INPP4A: variants seen among roughly 807,000 people sequenced by gnomAD.
The protein encoded by INPP4A is inositol polyphosphate-4-phosphatase type I A, also known as inositol polyphosphate-4-phosphatase, type I, 107kD.
In INPP4A, 33 loss-of-function variants were observed where a neutral mutation model predicts 119.8. That is an observed-to-expected ratio of 0.28 (90% confidence interval 0.21 to 0.37). The LOEUF is 0.37. INPP4A is among the 10% of genes least tolerant of loss of function. The probability of loss-of-function intolerance (pLI) is 1.00; values close to 1 mark genes in which losing one functional copy is unlikely to be tolerated. For missense variants in INPP4A, 956 were observed against 1,289.9 expected (o/e 0.74, Z 3.97); for synonymous variants, 496 against 500.7 (o/e 0.99, Z 0.12).
Position 98,533,508 on chromosome 2 carries a change from G to A in INPP4A, c.270+13G>A, listed in dbSNP as rs1201814947. On this transcript the variant is annotated intron_variant, in intron 5 of 24. Coordinates refer to ENST00000409851, the MANE Select transcript of INPP4A (RefSeq NM_001134225.2). Reference sequence around the variant, plus strand: ...GGAGATCATTGAGGTGGGTGCTGGTGGTCTCTCTCTGAGGGGCTGTGGGAC... The same window carrying A: ...GGAGATCATTGAGGTGGGTGCTGGTAGTCTCTCTCTGAGGGGCTGTGGGAC... 6.6e-7 allele frequency: 1 copy of A among 1,519,362 alleles called. No homozygotes were observed. The highest frequency in any genetic ancestry group is 1.4e-5 in the African/African-American group (1 of 73,276). 94.1% of individuals were successfully genotyped at this position (1,519,362 alleles called of 1,614,324 possible).
At chr2:98,535,389 A>G (rs1690038737) in intron 5 of INPP4A, among the ~76,000 whole-genome samples, 2 of 152,236 alleles carry the variant, frequency 1.3e-5, no homozygotes, top group East Asian at 1.9e-4. Context: ...TTATAAAACT[A>G]AGAATGCATG....
intron 1 of INPP4A, among the ~76,000 whole-genome samples, chr2:98,468,659 A>G (rs1482094099): frequency 6.6e-6 from 1 of 152,154 alleles, no homozygotes; most frequent in African/African-American, 2.4e-5. Context: ...TTCTCATTCT[A>G]AGAACTGTGG....
At chr2:98,545,906 T>C (rs1243776034) in intron 11 of INPP4A, 63 bp from the exon 12 acceptor site, 1 of 1,193,104 alleles carries the variant, frequency 8.4e-7, no homozygotes, top group Admixed American at 2.4e-5. Flanking sequence ...CATTTTCTAC[T>C]TGCAACTCGT....
At chr2:98,520,348 T>G (rs1467611921) in intron 3 of INPP4A, among the ~76,000 whole-genome samples, 194 bp downstream of exon 3, 2 of 152,200 alleles carry the variant, frequency 1.3e-5, no homozygotes, top group Non-Finnish European at 2.9e-5. Context: ...TGTGAACCGC[T>G]TCTGCTGGAG....
chr2:98,568,198 C>T (rs1325812569), intron 21 of INPP4A, among the ~76,000 whole-genome samples: 1 of 152,136 alleles, frequency 6.6e-6, no homozygotes, highest in Non-Finnish European at 1.5e-5. Context: ...AGGGCTGCAT[C>T]CTCACCTCTC....
At position 98,539,631 on chromosome 2, in the gene INPP4A, G is replaced by T. The variant is rs1268643177; in HGVS notation, c.774G>T (p.Val258=). 6.2e-7 allele frequency: 1 copy of T among 1,610,696 alleles called. No homozygotes were observed. ...QMAESVLSLH[V]PRQFVKLLLE... ...CAGAGAGCGTGCTCTCCCTGCACGT[G>T]CCCCGGCAGTTCGTGAAGCTCCTAC... Residue 258 remains valine (V), a synonymous_variant, in exon 10 of 25, where the codon GTG becomes GTT. Transcript: ENST00000409851.
At chr2:98,474,499 G>A (rs1344946803) in intron 1 of INPP4A, among the ~76,000 whole-genome samples, 1 of 152,182 alleles carries the variant, frequency 6.6e-6, no homozygotes, top group African/African-American at 2.4e-5. Context: ...CCACATGGCC[G>A]CTCACCCCAC....
At chr2:98,536,049 TG>T in intron 6 of INPP4A, 79 bp from the exon 7 acceptor site, 3 of 891,648 alleles carry the variant, frequency 3.4e-6, no homozygotes, top group African/African-American at 1.7e-5. Context: ...AGCAGTCAGC[TG>T]GACTCTCTGG....
rs1260937035 is a variant in INPP4A at position 98,591,365 on chromosome 2, C to T, written c.*3757C>T. 3.3e-5 allele frequency: 5 copies of T among 153,152 alleles called. No individual in the cohort carries two copies. Among genetic ancestry groups the T allele is most frequent in the Non-Finnish European group, 7.3e-5 (5 of 68,576 alleles). The allele number at this position is 153,152 out of a possible 1,614,324, so 9.5% of individuals were successfully genotyped here. On this transcript the variant is annotated 3_prime_UTR_variant, in exon 25 of 25. Coordinates refer to ENST00000409851, the MANE Select transcript of INPP4A (RefSeq NM_001134225.2). ...TCAGGATTATTTTTTCAGCATTTAC[C>T]TGTTCTTATTTCTAGGATGTTTATG...
chr2:98,559,710 T>C (rs1052381155), intron 17 of INPP4A, among the ~76,000 whole-genome samples: 2 of 152,174 alleles, frequency 1.3e-5, no homozygotes, highest in African/African-American at 4.8e-5. Flanking sequence ...CTACCACATG[T>C]ATTTGTTTTA....
At chr2:98,471,501 T>G (rs1025303304) in intron 1 of INPP4A, among the ~76,000 whole-genome samples, 4 of 152,154 alleles carry the variant, frequency 2.6e-5, no homozygotes, top group Non-Finnish European at 5.9e-5. Context: ...ATCTGAGAAT[T>G]TTAAGCTCTG....
At chr2:98,560,870 T>C (rs1271563427) in intron 17 of INPP4A, among the ~76,000 whole-genome samples, 1 of 152,200 alleles carries the variant, frequency 6.6e-6, no homozygotes, top group Non-Finnish European at 1.5e-5. Flanking sequence ...GCAGAACTAA[T>C]GGGAAGTCTC....
At chr2:98,496,009 A>G (rs1681864826) in intron 1 of INPP4A, among the ~76,000 whole-genome samples, 1 of 152,224 alleles carries the variant, frequency 6.6e-6, no homozygotes, top group Non-Finnish European at 1.5e-5. Context: ...ATGTGATGCT[A>G]TACTGGAGTC....
chr2:98,507,253 G>A (rs950163034), intron 1 of INPP4A, among the ~76,000 whole-genome samples: 1 of 152,152 alleles, frequency 6.6e-6, no homozygotes, highest in East Asian at 1.9e-4. Flanking sequence ...ATATAAACCC[G>A]AGTTCATTTG....
At chr2:98,527,847 TAGATC>T (rs1370740010) in intron 4 of INPP4A, among the ~76,000 whole-genome samples, 1 of 152,158 alleles carries the variant, frequency 6.6e-6, no homozygotes, top group Non-Finnish European at 1.5e-5. Flanking sequence ...TTTACAGAAT[TAGATC>T]AGAAAAGGCA....
At chr2:98,580,752 C>T (rs557033473) in intron 24 of INPP4A, among the ~76,000 whole-genome samples, 10 of 152,362 alleles carry the variant, frequency 6.6e-5, no homozygotes, top group African/African-American at 2.4e-4. Flanking sequence ...CACAGGCTGC[C>T]TGCTGTGTCC....
At chr2:98,578,805 A>C (rs927944497) in intron 24 of INPP4A, among the ~76,000 whole-genome samples, 3 of 151,944 alleles carry the variant, frequency 2.0e-5, no homozygotes, top group Non-Finnish European at 4.4e-5. Context: ...GTTCCTCAGA[A>C]CCCTCCCACA....
chr2:98,563,892 A>T (rs1048842874), intron 18 of INPP4A, among the ~76,000 whole-genome samples: 5 of 148,678 alleles, frequency 3.4e-5, no homozygotes, highest in Non-Finnish European at 5.9e-5. Context: ...CACCCAGGAG[A>T]TAGTGAGGGC....
intron 1 of INPP4A, among the ~76,000 whole-genome samples, chr2:98,469,849 A>G (rs1261325600): frequency 6.6e-6 from 1 of 152,160 alleles, no homozygotes; most frequent in Non-Finnish European, 1.5e-5. Context: ...TCCTGATGAA[A>G]TAGGCCCACC....
Sources: allele counts gnomAD v4.1 joint callset (sites outside exome capture counted in the v4.1 genomes callset), GRCh38; gene constraint gnomAD v4.1.1; transcripts MANE v1.5; gene names NCBI Gene and HGNC (gene_info 2026-07-23, HGNC 2026-07-21).